ADAMTS17: variants seen among roughly 807,000 people sequenced by gnomAD.
ADAMTS17 encodes ADAM metallopeptidase with thrombospondin type 1 motif 17, also known as A disintegrin and metalloproteinase with thrombospondin motifs 17.
A neutral mutation model predicts 141.5 loss-of-function variants in ADAMTS17; 113 were observed. That is an observed-to-expected ratio of 0.80 (90% confidence interval 0.69 to 0.93). The LOEUF (loss-of-function observed/expected upper bound fraction) is 0.93, where lower values mean the gene tolerates loss of function less well. ADAMTS17 is among the 40% of genes least tolerant of loss of function. The pLI is 0.00. For missense variants in ADAMTS17, 1,659 were observed against 1,517.9 expected (o/e 1.09, Z -1.54); for synonymous variants, 768 against 630.6 (o/e 1.22, Z -3.27).
intron 3 of ADAMTS17, among the ~76,000 whole-genome samples, chr15:100,300,377 C>T (rs762339888): frequency 4.6e-5 from 7 of 152,298 alleles, no homozygotes; most frequent in Non-Finnish European, 8.8e-5. Context: ...TCCCAAATGC[C>T]AAGGACCCTT....
intron 18 of ADAMTS17, 91 bp downstream of exon 18, chr15:100,048,766 C>T: frequency 1.3e-6 from 2 of 1,560,322 alleles, no homozygotes; most frequent in Non-Finnish European, 1.8e-6. Flanking sequence ...TAGAGCAGTA[C>T]TGTGGCATTA....
intron 7 of ADAMTS17, among the ~76,000 whole-genome samples, chr15:100,238,090 T>C (rs935073403): frequency 1.3e-5 from 2 of 152,232 alleles, no homozygotes; most frequent in African/African-American, 4.8e-5. Flanking sequence ...CTGCTGTCCA[T>C]GGTGGGGACC....
intron 8 of ADAMTS17, among the ~76,000 whole-genome samples, chr15:100,162,301 G>A (rs2039726867): frequency 6.6e-6 from 1 of 150,730 alleles, no homozygotes; most frequent in Admixed American, 6.6e-5. Flanking sequence ...GGTTTGTGTA[G>A]ACATATATAC....
intron 8 of ADAMTS17, among the ~76,000 whole-genome samples, chr15:100,173,747 T>C (rs1403759830): frequency 6.6e-6 from 1 of 152,180 alleles, no homozygotes; most frequent in African/African-American, 2.4e-5. Context: ...GAGCATCACT[T>C]GGGAAACTTT....
chr15:100,282,380 C>T (rs1273707681), intron 3 of ADAMTS17, among the ~76,000 whole-genome samples: 1 of 152,214 alleles, frequency 6.6e-6, no homozygotes, highest in East Asian at 1.9e-4. Flanking sequence ...GGGCTATGTT[C>T]CAAGACTCCC....
intron 8 of ADAMTS17, among the ~76,000 whole-genome samples, chr15:100,164,229 C>A (rs1213585397): frequency 6.6e-6 from 1 of 152,154 alleles, no homozygotes; most frequent in Non-Finnish European, 1.5e-5. Context: ...TGTCAGCAGC[C>A]AGGGAGGATG....
intron 7 of ADAMTS17, among the ~76,000 whole-genome samples, chr15:100,221,897 G>C (rs1052981854): frequency 6.6e-6 from 1 of 152,136 alleles, no homozygotes; most frequent in Non-Finnish European, 1.5e-5. Context: ...TTCTGCTCTC[G>C]GGCTGACACC....
At chr15:100,005,356 C>G (rs1290864039) in intron 18 of ADAMTS17, among the ~76,000 whole-genome samples, 1 of 152,168 alleles carries the variant, frequency 6.6e-6, no homozygotes, top group African/African-American at 2.4e-5. Flanking sequence ...AAATCTAAAA[C>G]CAGGGTGCTG....
chr15:100,153,908 C>T (rs894309863), intron 9 of ADAMTS17, among the ~76,000 whole-genome samples: 2 of 152,152 alleles, frequency 1.3e-5, no homozygotes, highest in African/African-American at 4.8e-5. Flanking sequence ...TGGCCGGGCG[C>T]GGTAGCTCAC....
chr15:100,189,411 C>T (rs1248848989), intron 8 of ADAMTS17, among the ~76,000 whole-genome samples: 1 of 152,210 alleles, frequency 6.6e-6, no homozygotes, highest in African/African-American at 2.4e-5. Flanking sequence ...TCTCCTCCTG[C>T]TGCTGGGAGC....
At chr15:100,084,035 A>C (rs2034924595) in intron 15 of ADAMTS17, among the ~76,000 whole-genome samples, 1 of 152,100 alleles carries the variant, frequency 6.6e-6, no homozygotes. Context: ...GAGCCGAAGC[A>C]GGGTGAGGCA....
chr15:100,097,030 CTA>C (rs1276987870), intron 14 of ADAMTS17, among the ~76,000 whole-genome samples: 1 of 152,200 alleles, frequency 6.6e-6, no homozygotes, highest in African/African-American at 2.4e-5. Context: ...AAGACCTAGT[CTA>C]TGAAGAGCCC....
intron 8 of ADAMTS17, among the ~76,000 whole-genome samples, chr15:100,182,980 G>A (rs1172034567): frequency 1.3e-5 from 2 of 151,838 alleles, no homozygotes; most frequent in Non-Finnish European, 2.9e-5. Flanking sequence ...TTTGCTTCTG[G>A]GATTCTTTTT....
intron 8 of ADAMTS17, among the ~76,000 whole-genome samples, chr15:100,177,817 T>C (rs1189134680): frequency 6.6e-6 from 1 of 152,174 alleles, no homozygotes; most frequent in Non-Finnish European, 1.5e-5. Context: ...TAGTTTTTGT[T>C]TCATGTATTT....
chr15:100,054,202 G>A lies in ADAMTS17; in HGVS notation c.2138-148C>T, dbSNP rs537771693. The stretch of plus-strand genomic sequence containing the variant: ...GGAGGCCTGAAGCGAGAGAAGGCGA[G>A]TGCTCTGTATACTGAGAACAAAAGC... On this transcript the variant is annotated intron_variant, in intron 15 of 21. Coordinates refer to ENST00000268070, the MANE Select transcript of ADAMTS17 (RefSeq NM_139057.4). The A allele has an allele frequency of 1.0e-5, 9 of 897,254 alleles. No individual in the cohort carries two copies. In the South Asian group the frequency reaches 1.2e-4, roughly 12 times the overall value. 55.6% of individuals were successfully genotyped at this position (897,254 alleles called of 1,614,324 possible).
At chr15:100,295,793 A>T (rs2044789026) in intron 3 of ADAMTS17, among the ~76,000 whole-genome samples, 2 of 152,212 alleles carry the variant, frequency 1.3e-5, no homozygotes. Flanking sequence ...GCTAGACACA[A>T]GCTGACATAG....
chr15:100,217,108 G>C (rs1394426801), intron 7 of ADAMTS17, among the ~76,000 whole-genome samples: 4 of 126,782 alleles, frequency 3.2e-5, no homozygotes, highest in Admixed American at 3.2e-4. Context: ...ACATCTTTCT[G>C]ATAGGAAAAA....
rs28549103 is a variant in ADAMTS17, at chr15:99,987,360, C to T, written c.2949+5688G>A. 7.9e-5 allele frequency among the ~76,000 whole-genome samples: 12 copies of T among 152,274 alleles called. 1 individual carries two copies. In the East Asian group the frequency reaches 1.7e-3, roughly 22 times the overall value. ...CTGCGGTGTTTGCCTCCCAAGACCT[C>T]GAAACTGGACAACTGGTTACATTAA... On this transcript the variant is annotated intron_variant, in intron 20 of 21. Transcript: ENST00000268070.
intron 15 of ADAMTS17, among the ~76,000 whole-genome samples, chr15:100,064,049 T>G (rs1443833749): frequency 6.6e-6 from 1 of 152,158 alleles, no homozygotes; most frequent in Admixed American, 6.5e-5. Flanking sequence ...ATGTGACCAC[T>G]GCAGACATAT....
Sources: allele counts gnomAD v4.1 joint callset (sites outside exome capture counted in the v4.1 genomes callset), GRCh38; gene constraint gnomAD v4.1.1; transcripts MANE v1.5; gene names NCBI Gene and HGNC (gene_info 2026-07-23, HGNC 2026-07-21).